Variants in PPIP5K2 observed in about 807,000 individuals in gnomAD.
PPIP5K2 encodes the protein diphosphoinositol pentakisphosphate kinase 2, also known as inositol hexakisphosphate and diphosphoinositol-pentakisphosphate kinase 2.
Under a neutral mutation model 154.6 loss-of-function variants are expected in PPIP5K2, and 105 were observed. That is an observed-to-expected ratio of 0.68 (90% CI 0.58 to 0.80). PPIP5K2 has a LOEUF of 0.80. PPIP5K2 is among the 30% of genes least tolerant of loss of function. The pLI, the probability that PPIP5K2 is intolerant of heterozygous loss-of-function variation, is 0.00. For missense variants in PPIP5K2, 992 were observed against 1,504.6 expected (o/e 0.66, Z 5.64); for synonymous variants, 480 against 490.3 (o/e 0.98, Z 0.28).
chr5:103,120,535 A>G (rs1414158382), intron 1 of PPIP5K2, 47 bp downstream of exon 1: 9 of 456,466 alleles, frequency 2.0e-5, no homozygotes, highest in African/African-American at 4.0e-5. Context: ...GAACCTGATC[A>G]TGCCAGGGTT....
intron 7 of PPIP5K2, among the ~76,000 whole-genome samples, chr5:103,148,822 A>G (rs1171526768): frequency 1.3e-5 from 2 of 151,124 alleles, no homozygotes; most frequent in South Asian, 2.1e-4. Flanking sequence ...TGTAAGTTTT[A>G]TAGTTATTTG....
chr5:103,170,266 A>G (rs1247629202), intron 19 of PPIP5K2, among the ~76,000 whole-genome samples: 1 of 151,614 alleles, frequency 6.6e-6, no homozygotes, highest in Non-Finnish European at 1.5e-5. Flanking sequence ...AAGAAGCACT[A>G]AAGATTAGTA....
intron 21 of PPIP5K2, among the ~76,000 whole-genome samples, chr5:103,177,154 T>C (rs62362882): frequency 0.24 from 36,527 of 151,686 alleles, 5,022 homozygotes; most frequent in East Asian, 0.45. Context: ...GTGTTTGTCA[T>C]ATTTCAAGAA....
intron 2 of PPIP5K2, among the ~76,000 whole-genome samples, chr5:103,131,874 A>C (rs1159196417): frequency 2.6e-5 from 4 of 152,192 alleles, no homozygotes; most frequent in African/African-American, 9.6e-5. Context: ...TTATTTATAC[A>C]TTTTAAACTT....
At chr5:103,134,638 G>A (rs1258354988) in intron 3 of PPIP5K2, among the ~76,000 whole-genome samples, 1 of 152,040 alleles carries the variant, frequency 6.6e-6, no homozygotes, top group Non-Finnish European at 1.5e-5. Context: ...ACCCTCACAT[G>A]GTTCTTCCTA....
At chr5:103,151,000 C>A (rs1442882057) in intron 8 of PPIP5K2, among the ~76,000 whole-genome samples, 2 of 151,662 alleles carry the variant, frequency 1.3e-5, no homozygotes, top group African/African-American at 4.8e-5. Context: ...GCCTCTGTAG[C>A]CCCTTATGCG....
chr5:103,212,455 G>A lies in PPIP5K2; in HGVS notation c.*10821G>A, dbSNP rs1340230593. On this transcript the variant is annotated 3_prime_UTR_variant, in exon 31 of 31. Coordinates refer to ENST00000358359, the MANE Select transcript of PPIP5K2 (RefSeq NM_001276277.3). ...ATATAGGGAACAGAATAAGACATGA[G>A]GGTAGGAAGAGGTTTTTAAAAGCAA... The A allele has an allele frequency of 1.3e-5, 2 of 152,120 alleles. No individual in the cohort carries two copies. Among genetic ancestry groups the A allele is most frequent in the Non-Finnish European group, 2.9e-5 (2 of 67,984 alleles). 9.4% of individuals were successfully genotyped at this position (152,120 alleles called of 1,614,324 possible).
chr5:103,176,450 C>G (rs532948810), intron 21 of PPIP5K2, among the ~76,000 whole-genome samples: 17 of 152,034 alleles, frequency 1.1e-4, no homozygotes, highest in Non-Finnish European at 2.1e-4. Flanking sequence ...CACATACTAC[C>G]TCCTAAACTT....
At chr5:103,189,746 A>G (rs1438554577) in intron 28 of PPIP5K2, among the ~76,000 whole-genome samples, 1 of 152,048 alleles carries the variant, frequency 6.6e-6, no homozygotes, top group Non-Finnish European at 1.5e-5. Flanking sequence ...TCCTTATTCT[A>G]ACTGAGAATT....
chr5:103,159,878 C>T (rs1795957811), intron 17 of PPIP5K2, among the ~76,000 whole-genome samples: 1 of 152,102 alleles, frequency 6.6e-6, no homozygotes, highest in Admixed American at 6.6e-5. Flanking sequence ...TGAACTTATT[C>T]CTTCTGTCCA....
chr5:103,132,173 A>C (rs1790730501), intron 2 of PPIP5K2, among the ~76,000 whole-genome samples: 1 of 152,018 alleles, frequency 6.6e-6, no homozygotes, highest in Non-Finnish European at 1.5e-5. Flanking sequence ...TTACCAATCA[A>C]CTCTAGTACA....
At chr5:103,200,613 AT>A (rs1317666694) in intron 30 of PPIP5K2, among the ~76,000 whole-genome samples, 10 of 144,508 alleles carry the variant, frequency 6.9e-5, no homozygotes, top group African/African-American at 2.2e-4. Flanking sequence ...ATGGTTTTTT[AT>A]TTTATTTATT....
intron 25 of PPIP5K2, 141 bp from the exon 26 acceptor site, chr5:103,184,531 C>A: frequency 3.3e-6 from 2 of 600,694 alleles, no homozygotes; most frequent in Non-Finnish European, 5.7e-6. Flanking sequence ...CTTGCATGAT[C>A]TTTCATGTTT....
chr5:103,149,265 C>A lies in PPIP5K2; in HGVS notation c.858C>A (p.Leu286=). Residue 286 remains leucine (L), a synonymous_variant, in exon 8 of 31, where the codon CTC becomes CTA. Transcript: ENST00000358359. The stretch of plus-strand genomic sequence containing the variant: ...AAGAAGTAAGATACCCTGTTATTCT[C>A]AATGCACGAGAGAAATTAATTGCTT... ...EGKEVRYPVI[L]NAREKLIAWK... is the part of the protein sequence containing the mutation. The A allele has an allele frequency of 1.9e-6, 3 of 1,613,696 alleles. No homozygotes were observed. The highest frequency in any genetic ancestry group is 2.5e-6 in the Non-Finnish European group (3 of 1,179,754).
rs531151576 is a variant in PPIP5K2, at chr5:103,202,727, A to T, written c.*1093A>T. 3.0e-4 allele frequency: 45 copies of T among 152,170 alleles called. No individual in the cohort carries two copies. Among genetic ancestry groups the T allele is most frequent in the African/African-American group, 1.1e-3 (45 of 41,552 alleles). The allele number at this position is 152,170 out of a possible 1,614,324, so 9.4% of individuals were successfully genotyped here. ...TATTATCCTTGGTGCTTTCCCCCCCACCAATGCACAAATAATTGTGAACAG... is the reference window on the plus strand; with the variant it reads ...TATTATCCTTGGTGCTTTCCCCCCCTCCAATGCACAAATAATTGTGAACAG... On this transcript the variant is annotated 3_prime_UTR_variant, in exon 31 of 31. Coordinates refer to ENST00000358359, the MANE Select transcript of PPIP5K2 (RefSeq NM_001276277.3).
rs1328691829 is a variant in PPIP5K2, at chr5:103,208,698, C to A, written c.*7064C>A. The A allele has an allele frequency of 6.6e-6, 1 of 152,110 alleles. No individual in the cohort carries two copies. Among genetic ancestry groups the A allele is most frequent in the African/African-American group, 2.4e-5 (1 of 41,392 alleles). The allele number at this position is 152,110 out of a possible 1,614,324, so 9.4% of individuals were successfully genotyped here. On this transcript the variant is annotated 3_prime_UTR_variant, in exon 31 of 31. Transcript: ENST00000358359. Reference sequence around the variant, plus strand: ...CATTTCCATTGTTTTAGAGAAGGAACTAGTTGTTGTTGTTTTTTTTTCCCT... The same window carrying A: ...CATTTCCATTGTTTTAGAGAAGGAAATAGTTGTTGTTGTTTTTTTTTCCCT...
In PPIP5K2 at chr5:103,168,180, C is replaced by T. The variant is rs148227323; in HGVS notation, c.2171C>T (p.Pro724Leu). 6.2e-7 allele frequency: 1 copy of T among 1,608,004 alleles called. No individual in the cohort carries two copies. The highest frequency in any genetic ancestry group is 1.1e-5 in the South Asian group (1 of 90,916). Residue 724 changes from proline to leucine, a missense_variant, in exon 19 of 31, where the codon CCT becomes CTT. Physicochemically the swap from Pro to Leu is moderately conservative, Grantham distance 98. Around this residue, in one of 9 missense-constraint regions of PPIP5K2, gnomAD observed 157 missense variants for 281.2 expected, o/e 0.56. Transcript: ENST00000358359. Reference sequence around the variant, plus strand: ...GGAAGATATGATATTAGTAAAATCCCTGACATATATGACTGTATAAAATAT... The same window carrying T: ...GGAAGATATGATATTAGTAAAATCCTTGACATATATGACTGTATAAAATAT... ...KNGRYDISKI[P>L]DIYDCIKYDV...
chr5:103,130,247 A>G (rs1583199440), intron 2 of PPIP5K2, among the ~76,000 whole-genome samples: 1 of 152,250 alleles, frequency 6.6e-6, no homozygotes, highest in East Asian at 1.9e-4. Context: ...TCTTTCTGAT[A>G]TCATGTTCTA....
intron 19 of PPIP5K2, among the ~76,000 whole-genome samples, chr5:103,171,999 C>G (rs1396439847): frequency 6.6e-6 from 1 of 151,620 alleles, no homozygotes; most frequent in African/African-American, 2.4e-5. Flanking sequence ...GTTTCACTCT[C>G]TTTACACATG....
Sources: allele counts gnomAD v4.1 joint callset (sites outside exome capture counted in the v4.1 genomes callset), GRCh38; gene constraint gnomAD v4.1.1; regional missense constraint gnomAD v4.1.1; transcripts MANE v1.5; gene names NCBI Gene and HGNC (gene_info 2026-07-23, HGNC 2026-07-21).